The following OR52A1 variants were observed in gnomAD, a reference collection of about 807,000 sequenced individuals.
OR52A1 encodes olfactory receptor family 52 subfamily A member 1.
In OR52A1, 14 loss-of-function variants were observed where a neutral mutation model predicts 14.3. That is an observed-to-expected ratio of 0.98 (90% confidence interval 0.65 to 1.54). The LOEUF (loss-of-function observed/expected upper bound fraction) is 1.54, where lower values mean the gene tolerates loss of function less well. OR52A1 is among the 40% of genes most tolerant of loss of function. The pLI, the probability that OR52A1 is intolerant of heterozygous loss-of-function variation, is 0.00. For synonymous variants in OR52A1, 151 were observed against 135.3 expected (o/e 1.12, Z -0.80); for missense variants, 405 against 381.3 (o/e 1.06, Z -0.52).
In OR52A1 at chr11:5,152,022, G is replaced by T; in HGVS notation, c.348C>A (p.Ile116=). The T allele has an allele frequency of 6.2e-7, 1 of 1,614,112 alleles. No individual in the cohort carries two copies. The highest frequency in any genetic ancestry group is 8.5e-7 in the Non-Finnish European group (1 of 1,179,986). ...AACGGTCCAGGGCCATGGCCACAAG[G>T]ATGCCTGACTCTATACCCTGCAATG... ...IHTLQGIESG[I]LVAMALDRYV... is the part of the protein sequence containing the mutation. Residue 116 remains isoleucine (I), a synonymous_variant, in exon 2 of 2, where the codon ATC becomes ATA. Transcript: ENST00000380367.
In OR52A1 at chr11:5,151,528, C is replaced by A. The variant is rs2133535742; in HGVS notation, c.842G>T (p.Ser281Ile). 1.2e-6 allele frequency: 2 copies of A among 1,613,720 alleles called. No homozygotes were observed. The highest frequency in any genetic ancestry group is 8.5e-7 in the Non-Finnish European group (1 of 1,179,898). The change falls in exon 2 of 2, where the codon AGC becomes ATC. Residue 281 changes from serine (S) to isoleucine (I), a missense_variant. By Grantham distance (142) the Ser-to-Ile change is moderately radical (BLOSUM62 -2). Transcript: ENST00000380367. ...AAATGGAGGGACCAGCAAGTAAATG[C>A]TAGAAAAGAGAATATGGATATAAGG... is the stretch of plus-strand genomic sequence containing the variant. ...ISPYIHILFS[S>I]IYLLVPPFLN...
At position 5,152,098 on chromosome 11, in the gene OR52A1, A is replaced by T. The variant is rs1278259124; in HGVS notation, c.272T>A (p.Val91Glu). 1 of 1,613,962 alleles carries T rather than the reference A, an allele frequency of 6.2e-7. No individual in the cohort carries two copies. Among genetic ancestry groups the T allele is most frequent in the Non-Finnish European group, 8.5e-7 (1 of 1,179,964 alleles). ...PKMLGIFWFN[V>E]PEIYFDSCLL... ...GCAGGAATCAAAATAGATTTCAGGC[A>T]CATTAAACCAGAATATTCCAAGCAT... The change falls in exon 2 of 2, where the codon GTG (valine) becomes GAG (glutamate). Residue 91 changes from valine to glutamate, a missense_variant. Physicochemically the swap from Val to Glu is moderately radical, Grantham distance 121 (BLOSUM62 -2). Coordinates refer to ENST00000380367, the MANE Select transcript of OR52A1 (RefSeq NM_012375.3).
Position 5,152,698 on chromosome 11 carries a change from CA to C in OR52A1, c.-321-9del, listed in dbSNP as rs545528309. On this transcript the variant is annotated splice_polypyrimidine_tract_variant and intron_variant, in intron 1 of 1. Transcript: ENST00000380367. Reference sequence around the variant, plus strand: ...TGTTATTTCTTTCCAGACCTGTGGACAAAAAAAAAAAGAAGTTTATTTTTAT... The same window carrying C: ...TGTTATTTCTTTCCAGACCTGTGGACAAAAAAAAAAGAAGTTTATTTTTAT... 2,721 of 174,176 alleles carry C rather than the reference CA, an allele frequency of 0.016. No homozygotes were observed. The highest frequency in any genetic ancestry group is 0.029 in the Middle Eastern group (12 of 412). 10.8% of individuals were successfully genotyped at this position (174,176 alleles called of 1,614,324 possible). A position where few individuals can be genotyped will look rare whatever the true frequency, so the allele number is the denominator to read the frequency against.
Position 5,151,605 on chromosome 11 carries a change from G to A in OR52A1, c.765C>T (p.Tyr255=). 1 of 1,614,114 alleles carries A rather than the reference G, an allele frequency of 6.2e-7. No homozygotes were observed. Among genetic ancestry groups the A allele is most frequent in the South Asian group, 1.1e-5 (1 of 91,064 alleles). ...IAHICVFLQF[Y]LLAFFSFFTH... is the part of the protein sequence containing the mutation. ...TGAAGAAGGAGAAGAAGGCAAGGAG[G>A]TAGAACTGGAGGAAGACACAGATGT... The change falls in exon 2 of 2, where the codon TAC becomes TAT. Residue 255 remains tyrosine, a synonymous_variant. Coordinates refer to ENST00000380367, the MANE Select transcript of OR52A1 (RefSeq NM_012375.3).
At position 5,151,598 on chromosome 11, in the gene OR52A1, C is replaced by G; in HGVS notation, c.772G>C (p.Ala258Pro). Residue 258 changes from alanine (A) to proline (P), a missense_variant, in exon 2 of 2, where the codon GCC (alanine) becomes CCC (proline). Physicochemically the swap from Ala to Pro is conservative, Grantham distance 27 (BLOSUM62 -1). Transcript: ENST00000380367. ...CTATGTGTGAAGAAGGAGAAGAAGG[C>G]AAGGAGGTAGAACTGGAGGAAGACA... The part of the protein sequence containing the change: ...ICVFLQFYLL[A>P]FFSFFTHRFG... 3 of 1,614,032 alleles carry G rather than the reference C, an allele frequency of 1.9e-6. No individual in the cohort carries two copies. Among genetic ancestry groups the G allele is most frequent in the Non-Finnish European group, 2.5e-6 (3 of 1,179,964 alleles).
Position 5,152,201 on chromosome 11 carries a change from G to T in OR52A1, c.169C>A (p.Leu57Ile), listed in dbSNP as rs1207092061. The change falls in exon 2 of 2, where the codon CTC becomes ATC. Residue 57 changes from leucine (L) to isoleucine (I), a missense_variant. Transcript: ENST00000380367. ...AAGAAAATGTACAAGGGCTCATGGA[G>T]ACTGCGCTCAGATTTGATGATGCTC... ...LLSIIKSERSLHEPLYIFLGM... is the reference protein window; with the variant it reads ...LLSIIKSERSIHEPLYIFLGM... 1.2e-6 allele frequency: 2 copies of T among 1,614,162 alleles called. No homozygotes were observed. Among genetic ancestry groups the T allele is most frequent in the South Asian group, 1.1e-5 (1 of 91,072 alleles).
At chr11:5,153,645 ATACAT>A (rs1401103377) in intron 1 of OR52A1, among the ~76,000 whole-genome samples, 1 of 152,172 alleles carries the variant, frequency 6.6e-6, no homozygotes, top group Non-Finnish European at 1.5e-5. Context: ...ATTTTAAGCT[ATACAT>A]TAGAGAAATG....
At position 5,154,741 on chromosome 11, in the gene OR52A1, G is replaced by C. The variant is rs903477070; in HGVS notation, c.-616C>G. ...CTCATAGTGAGGTCTGTAGCATTCT[G>C]AAACACGGGATGAATTTATTGAGCT... On this transcript the variant is annotated 5_prime_UTR_variant, in exon 1 of 2. Coordinates refer to ENST00000380367, the MANE Select transcript of OR52A1 (RefSeq NM_012375.3). 6.6e-6 allele frequency: 1 copy of C among 152,148 alleles called. No homozygotes were observed. The highest frequency in any genetic ancestry group is 1.5e-5 in the Non-Finnish European group (1 of 68,014). The allele number at this position is 152,148 out of a possible 1,614,324, so 9.4% of individuals were successfully genotyped here. A position where few individuals can be genotyped will look rare whatever the true frequency, so the allele number is the denominator to read the frequency against.
rs779552114 is a variant in OR52A1 at position 5,152,194 on chromosome 11, T to C, written c.176A>G (p.Glu59Gly). 1.2e-6 allele frequency: 2 copies of C among 1,614,166 alleles called. No homozygotes were observed. The highest frequency in any genetic ancestry group is 3.3e-5 in the Admixed American group (2 of 60,020). ...CATGCCTAAGAAAATGTACAAGGGC[T>C]CATGGAGACTGCGCTCAGATTTGAT... ...SIIKSERSLH[E>G]PLYIFLGMLG... Residue 59 changes from glutamate to glycine, a missense_variant, in exon 2 of 2, where the codon GAG becomes GGG. Transcript: ENST00000380367.
At chr11:5,153,748 C>CT (rs1001514678) in intron 1 of OR52A1, among the ~76,000 whole-genome samples, 7 of 150,766 alleles carry the variant, frequency 4.6e-5, no homozygotes, top group Admixed American at 4.6e-4. Flanking sequence ...CATGAATCAG[C>CT]TAACCGTATG....
Position 5,150,855 on chromosome 11 carries a change from AC to A in OR52A1, c.*575del, listed in dbSNP as rs1846532545. ...TTTGAGGTTAGCAAAAAAAAAAACA[AC>A]AACATTGATGTGTCAAATGCAACAC... On this transcript the variant is annotated 3_prime_UTR_variant, in exon 2 of 2. Coordinates refer to ENST00000380367, the MANE Select transcript of OR52A1 (RefSeq NM_012375.3). 1 of 152,190 alleles carries A rather than the reference AC, an allele frequency of 6.6e-6. No homozygotes were observed. Among genetic ancestry groups the A allele is most frequent in the Non-Finnish European group, 1.5e-5 (1 of 68,026 alleles). 9.4% of individuals were successfully genotyped at this position (152,190 alleles called of 1,614,324 possible).
At chr11:5,154,013 C>T (rs181294993) in intron 1 of OR52A1, among the ~76,000 whole-genome samples, 63 of 152,114 alleles carry the variant, frequency 4.1e-4, no homozygotes, top group Non-Finnish European at 6.6e-4. Flanking sequence ...ATACATTTAC[C>T]GTAAACTAGT....
rs77308879 is a variant in OR52A1, at chr11:5,151,919, C to A, written c.451G>T (p.Val151Leu). 76,529 of 1,614,024 alleles carry A rather than the reference C, an allele frequency of 0.047. 2,048 individuals are homozygous for A. The highest frequency in any genetic ancestry group is 0.11 in the East Asian group (4,721 of 44,882). Residue 151 changes from valine (V) to leucine (L), a missense_variant, in exon 2 of 2, where the codon GTA becomes TTA. Transcript: ENST00000380367. ...QLVIQIGTMV[V>L]LRAAILVAPC... ...GCTACAAGAATAGCAGCCCTGAGTA[C>A]GACCATAGTTCCTATCTGAATGACA... is the stretch of plus-strand genomic sequence containing the variant.
In OR52A1 at chr11:5,151,588, GAGA is replaced by G. The variant is rs749910479; in HGVS notation, c.779_781del (p.Phe260del). ...AGACCCAAACCTATGTGTGAAGAAG[GAGA>G]AGAAGGCAAGGAGGTAGAACTGGAG... On this transcript the variant is annotated inframe_deletion, in exon 2 of 2. Coordinates refer to ENST00000380367, the MANE Select transcript of OR52A1 (RefSeq NM_012375.3). 6.2e-7 allele frequency: 1 copy of G among 1,614,028 alleles called. No individual in the cohort carries two copies. The highest frequency in any genetic ancestry group is 8.5e-7 in the Non-Finnish European group (1 of 1,179,918).
At chr11:5,152,749 A>C (rs1044466772) in intron 1 of OR52A1, 59 bp from the exon 2 acceptor site, 1 of 181,852 alleles carries the variant, frequency 5.5e-6, no homozygotes, top group African/African-American at 2.4e-5. Context: ...TAATTTGGTT[A>C]ATAAACCTCT....
chr11:5,153,695 C>T (rs527249720), intron 1 of OR52A1, among the ~76,000 whole-genome samples: 1 of 152,168 alleles, frequency 6.6e-6, no homozygotes, highest in Admixed American at 6.5e-5. Flanking sequence ...TTACTTCATT[C>T]TTTCCTAGAC....
At position 5,151,550 on chromosome 11, in the gene OR52A1, A is replaced by G. The variant is rs748305589; in HGVS notation, c.820T>C (p.Tyr274His). ...ATGCTAGAAAAGAGAATATGGATAT[A>G]AGGGGAGATGTGAGACCCAAACCTA... ...THRFGSHISP[Y>H]IHILFSSIYL... Residue 274 changes from tyrosine (Y) to histidine (H), a missense_variant, in exon 2 of 2, where the codon TAT becomes CAT. Physicochemically the swap from Tyr to His is moderately conservative, Grantham distance 83 (BLOSUM62 2). Transcript: ENST00000380367. The G allele has an allele frequency of 3.3e-5, 53 of 1,607,798 alleles. No homozygotes were observed. In the South Asian group the frequency reaches 5.4e-4, roughly 16 times the overall value.
In OR52A1 at chr11:5,149,973, A is replaced by T. The variant is rs1006874499; in HGVS notation, c.*1458T>A. ...GTGGGTGTATGACAAGCAATCCAAT[A>T]TTTCTTATATTTGCAGTGGTTTTAA... On this transcript the variant is annotated 3_prime_UTR_variant, in exon 2 of 2. Transcript: ENST00000380367. 6.6e-6 allele frequency: 1 copy of T among 152,096 alleles called. No individual in the cohort carries two copies. Among genetic ancestry groups the T allele is most frequent in the Non-Finnish European group, 1.5e-5 (1 of 68,024 alleles). 9.4% of individuals were successfully genotyped at this position (152,096 alleles called of 1,614,324 possible).
In OR52A1 at chr11:5,151,400, A is replaced by G; in HGVS notation, c.*31T>C. The G allele has an allele frequency of 6.5e-7, 1 of 1,534,366 alleles. No individual in the cohort carries two copies. The highest frequency in any genetic ancestry group is 8.8e-7 in the Non-Finnish European group (1 of 1,132,718). ...TGATATGGTTACTACTGCAAAAGAAAAAAGCATGTAGGCATTAATTAAGGT... is the reference window on the plus strand; with the variant it reads ...TGATATGGTTACTACTGCAAAAGAAGAAAGCATGTAGGCATTAATTAAGGT... On this transcript the variant is annotated 3_prime_UTR_variant, in exon 2 of 2. Coordinates refer to ENST00000380367, the MANE Select transcript of OR52A1 (RefSeq NM_012375.3).
Sources: gnomAD v4.1 joint callset for allele counts (sites outside exome capture counted in the v4.1 genomes callset) on GRCh38, gnomAD v4.1.1 for gene constraint, MANE v1.5 for transcripts, NCBI Gene and HGNC (gene_info 2026-07-23, HGNC 2026-07-21) for gene names.